Variants in VPS13C observed in about 807,000 individuals in gnomAD.
VPS13C encodes the protein vacuolar protein sorting 13 homolog C.
Under a neutral mutation model 456.8 loss-of-function variants are expected in VPS13C, and 358 were observed. The ratio of observed to expected loss-of-function variants is 0.78; its 90% CI spans 0.72 to 0.86. The LOEUF is 0.86. Among genes scored for constraint, VPS13C ranks in the 40% least tolerant of loss-of-function variants. The probability of loss-of-function intolerance (pLI) is 0.00; values close to 1 mark genes in which losing one functional copy is unlikely to be tolerated. For missense variants in VPS13C, 4,818 were observed against 4,385.4 expected (o/e 1.10, Z -2.79); for synonymous variants, 1,578 against 1,486.7 (o/e 1.06, Z -1.41).
chr15:62,000,556 A>G lies in VPS13C; in HGVS notation c.1353+8T>C. Reference sequence around the variant, plus strand: ...TAAAACATAAAATCAGCTAATAAAAATGATTACCTCAACTTGTGCTTGTTG... The same window carrying G: ...TAAAACATAAAATCAGCTAATAAAAGTGATTACCTCAACTTGTGCTTGTTG... On this transcript the variant is annotated splice_region_variant and intron_variant, in intron 16 of 84. Coordinates refer to ENST00000644861, the MANE Select transcript of VPS13C (RefSeq NM_020821.3). 2 of 1,603,958 alleles carry G rather than the reference A, an allele frequency of 1.2e-6. No homozygotes were observed. The highest frequency in any genetic ancestry group is 1.7e-6 in the Non-Finnish European group (2 of 1,176,124).
At chr15:62,022,310 C>A (rs190501661) in intron 8 of VPS13C, among the ~76,000 whole-genome samples, 1 of 151,736 alleles carries the variant, frequency 6.6e-6, no homozygotes, top group South Asian at 2.1e-4. Context: ...CTAGATCATA[C>A]AGTAATTTGA....
intron 61 of VPS13C, among the ~76,000 whole-genome samples, chr15:61,914,429 T>C (rs2043398838): frequency 6.6e-6 from 1 of 151,800 alleles, no homozygotes; most frequent in African/African-American, 2.4e-5. Flanking sequence ...ATTAGCACTG[T>C]GTGGCGGCAG....
chr15:61,896,523 T>G lies in VPS13C; in HGVS notation c.9106-6123A>C, dbSNP rs557869150. ...CCTGGAAAATCGGGTCACTCCCACCTGAATACTGCGCTTTTCCGACGGGCT... is the reference window on the plus strand; with the variant it reads ...CCTGGAAAATCGGGTCACTCCCACCGGAATACTGCGCTTTTCCGACGGGCT... On this transcript the variant is annotated intron_variant, in intron 66 of 84. Transcript: ENST00000644861. Among the ~76,000 whole-genome samples the G allele has an allele frequency of 2.0e-3, 307 of 152,052 alleles. 4 individuals are homozygous for G. The highest frequency in any genetic ancestry group is 7.3e-3 in the African/African-American group (303 of 41,470).
At chr15:61,951,132 G>C (rs970500041) in intron 39 of VPS13C, 108 bp from the exon 40 acceptor site, 1 of 621,566 alleles carries the variant, frequency 1.6e-6, no homozygotes, top group African/African-American at 1.9e-5. Flanking sequence ...ACTCAGGACT[G>C]TACACTAAAA....
chr15:61,977,847 C>T (rs547987391), intron 23 of VPS13C, among the ~76,000 whole-genome samples: 4 of 151,996 alleles, frequency 2.6e-5, no homozygotes, highest in East Asian at 3.9e-4. Flanking sequence ...TGTGTAAATA[C>T]TCCAAGGAAT....
At chr15:61,964,987 AAAAAGTGGAAGATTC>A in intron 30 of VPS13C, 126 bp from the exon 31 acceptor site, 1 of 854,572 alleles carries the variant, frequency 1.2e-6, no homozygotes, top group South Asian at 2.1e-5. Flanking sequence ...AAGGAAGAGT[AAAAAGTGGAAGATTC>A]ACAATCCCCT....
chr15:61,892,325 C>G lies in VPS13C; in HGVS notation c.9106-1925G>C, dbSNP rs1465376413. 2.0e-5 allele frequency among the ~76,000 whole-genome samples: 3 copies of G among 152,158 alleles called. No homozygotes were observed. The East Asian group carries it at 5.8e-4, about 29-fold the overall frequency. The stretch of plus-strand genomic sequence containing the variant: ...TCTTCTGAGGAGGAACCCTGGGCAG[C>G]CTTCCTACATAGCTGGGATATCCCC... On this transcript the variant is annotated intron_variant, in intron 66 of 84. Transcript: ENST00000644861.
chr15:61,896,593 A>G (rs1382766480), intron 66 of VPS13C, among the ~76,000 whole-genome samples: 1 of 152,136 alleles, frequency 6.6e-6, no homozygotes, highest in African/African-American at 2.4e-5. Context: ...CCTGGCTCGG[A>G]GGGTCCTACG....
intron 21 of VPS13C, among the ~76,000 whole-genome samples, chr15:61,982,120 AAAGT>A (rs1019270595): frequency 6.6e-6 from 1 of 152,192 alleles, no homozygotes; most frequent in African/African-American, 2.4e-5. Flanking sequence ...ATGTTATACA[AAAGT>A]AAGTATCTTT....
chr15:61,922,944 G>C (rs563458242), intron 53 of VPS13C, among the ~76,000 whole-genome samples, 182 bp from the exon 54 acceptor site: 2 of 152,086 alleles, frequency 1.3e-5, no homozygotes, highest in African/African-American at 4.8e-5. Context: ...AAACAAGAGA[G>C]AACACAAAAT....
chr15:62,007,938 G>C (rs1454336159), intron 14 of VPS13C, among the ~76,000 whole-genome samples: 1 of 151,930 alleles, frequency 6.6e-6, no homozygotes, highest in Non-Finnish European at 1.5e-5. Flanking sequence ...AACCCCATCT[G>C]TACTAAAAAT....
chr15:61,909,562 T>C (rs1414973657), intron 64 of VPS13C, among the ~76,000 whole-genome samples: 3 of 152,254 alleles, frequency 2.0e-5, no homozygotes, highest in Non-Finnish European at 4.4e-5. Flanking sequence ...TATAAATATA[T>C]GTTGGCATTA....
chr15:61,972,671 G>T lies in VPS13C; in HGVS notation c.2711C>A (p.Pro904Gln). 6.2e-7 allele frequency: 1 copy of T among 1,613,322 alleles called. No homozygotes were observed. Among genetic ancestry groups the T allele is most frequent in the Non-Finnish European group, 8.5e-7 (1 of 1,179,660 alleles). Residue 904 changes from proline (P) to glutamine (Q), a missense_variant, in exon 27 of 85, where the codon CCA (proline) becomes CAA (glutamine). By Grantham distance (76) the Pro-to-Gln change is moderately conservative. Coordinates refer to ENST00000644861, the MANE Select transcript of VPS13C (RefSeq NM_020821.3). ...GSELKKAAEV[P>Q]NEELINLLLK... is the part of the protein sequence containing the mutation. ...TAGAAGATTGATGAGCTCCTCATTT[G>T]GGACCTCTGCAGCTTTTTTAAGTTC...
Position 62,007,298 on chromosome 15 carries a change from C to T in VPS13C, c.1290+10G>A. The T allele has an allele frequency of 1.3e-6, 2 of 1,590,124 alleles. No individual in the cohort carries two copies. Among genetic ancestry groups the T allele is most frequent in the Middle Eastern group, 1.7e-4 (1 of 5,926 alleles). On this transcript the variant is annotated intron_variant, in intron 15 of 84. Transcript: ENST00000644861. ...AAATAATAGCTCTCACTAATATATG[C>T]AAGATATACCTGAATTTCTTTCTGT... is the stretch of plus-strand genomic sequence containing the variant.
rs2043449222 is a variant in VPS13C at position 61,915,708 on chromosome 15, A to G, written c.8370T>C (p.His2790=). 3 of 1,612,652 alleles carry G rather than the reference A, an allele frequency of 1.9e-6. No homozygotes were observed. Among genetic ancestry groups the G allele is most frequent in the African/African-American group, 2.7e-5 (2 of 74,884 alleles). The change falls in exon 61 of 85, where the codon CAT becomes CAC. Residue 2790 remains histidine, a synonymous_variant. Transcript: ENST00000644861. ...CCCTGAAATCAGCTGGATGTTTCAC[A>G]TGAATATCTTCTGAACGATACTGGA... ...RVLQYRSEDI[H]VKHPADFRDI...
chr15:61,964,929 C>T, intron 30 of VPS13C, 68 bp from the exon 31 acceptor site: 1 of 1,430,310 alleles, frequency 7.0e-7, no homozygotes, highest in Non-Finnish European at 9.4e-7. Flanking sequence ...CCACGACAGA[C>T]CCAAAAGATT....
intron 9 of VPS13C, among the ~76,000 whole-genome samples, chr15:62,020,077 C>T (rs1038577430): frequency 1.3e-5 from 2 of 150,510 alleles, no homozygotes; most frequent in Admixed American, 6.6e-5. Flanking sequence ...TTACATATTG[C>T]CCAATGAGAT....
chr15:61,936,644 A>G lies in VPS13C; in HGVS notation c.5708T>C (p.Val1903Ala). The part of the protein sequence containing the change: ...PSPTQSVQET[V>A]RVRKVDVSSV... ...TGAAACATCAACTTTTCTCACTCTT[A>G]CAGTCTCCTGCACAGACTGTGTAGG... Residue 1903 changes from valine to alanine, a missense_variant, in exon 48 of 85, where the codon GTA becomes GCA. Transcript: ENST00000644861. 4 of 1,597,528 alleles carry G rather than the reference A, an allele frequency of 2.5e-6. No homozygotes were observed. The highest frequency in any genetic ancestry group is 3.4e-6 in the Non-Finnish European group (4 of 1,174,652).
chr15:61,936,778 C>G, intron 47 of VPS13C, 28 bp from the exon 48 acceptor site: 1 of 1,569,436 alleles, frequency 6.4e-7, no homozygotes. Context: ...TTTGTTAACT[C>G]TAAGTAATAA....
Sources: gnomAD v4.1 joint callset for allele counts (sites outside exome capture counted in the v4.1 genomes callset) on GRCh38, gnomAD v4.1.1 for gene constraint, MANE v1.5 for transcripts, NCBI Gene and HGNC (gene_info 2026-07-23, HGNC 2026-07-21) for gene names.